The following FGF13 variants were observed in gnomAD, a reference collection of about 807,000 sequenced individuals.
FGF13 encodes fibroblast growth factor 13.
A neutral mutation model predicts 19.5 loss-of-function variants in FGF13; 2 were observed. The observed-to-expected ratio is 0.10, with a 90% confidence interval of 0.04 to 0.32. The LOEUF (loss-of-function observed/expected upper bound fraction) is 0.32. Among genes scored for constraint, FGF13 ranks in the 10% least tolerant of loss-of-function variants. The pLI is 1.00. For missense variants in FGF13, 113 were observed against 192.7 expected (o/e 0.59, Z 2.45); for synonymous variants, 72 against 76.9 (o/e 0.94, Z 0.33).
intron 1 of FGF13, among the ~76,000 whole-genome samples, chrX:138,889,757 T>A (rs747683167): frequency 9.0e-6 from 1 of 111,310 alleles, no homozygotes; most frequent in East Asian, 2.8e-4. Flanking sequence ...TAGAACTGTA[T>A]ATCAAGGCTA....
intron 2 of FGF13, among the ~76,000 whole-genome samples, chrX:138,704,707 G>A (rs942204027): frequency 2.7e-5 from 3 of 112,114 alleles, no homozygotes; most frequent in African/African-American, 6.5e-5. Context: ...CATATTGTAC[G>A]GTTCAAAAGA....
intron 3 of FGF13, among the ~76,000 whole-genome samples, chrX:138,677,892 C>T (rs1219975109): frequency 2.7e-5 from 3 of 111,473 alleles, no homozygotes; most frequent in Non-Finnish European, 5.7e-5. Flanking sequence ...ACGTTTATTG[C>T]GGCACTATTC....
chrX:138,891,893 G>A (rs191718963), intron 1 of FGF13, among the ~76,000 whole-genome samples: 5 of 110,540 alleles, frequency 4.5e-5, no homozygotes, highest in East Asian at 5.7e-4. Flanking sequence ...TTTGGGACTC[G>A]GACTGACTCT....
intron 1 of FGF13, among the ~76,000 whole-genome samples, chrX:139,142,057 C>T (rs1159876194): frequency 9.0e-6 from 1 of 111,605 alleles, no homozygotes; most frequent in Non-Finnish European, 1.9e-5. Context: ...ACACATTCTG[C>T]CTGAAGAATA....
chrX:138,996,166 C>G (rs868090466), intron 1 of FGF13, among the ~76,000 whole-genome samples: 1 of 112,326 alleles, frequency 8.9e-6, no homozygotes, highest in African/African-American at 3.2e-5. Flanking sequence ...TGGCTCATCT[C>G]ACTGGGACTG....
chrX:138,934,228 T>C (rs762720341), intron 1 of FGF13, among the ~76,000 whole-genome samples: 2 of 111,396 alleles, frequency 1.8e-5, no homozygotes, highest in African/African-American at 3.3e-5. Context: ...GGAACAATTA[T>C]ACCATGAGGC....
intron 3 of FGF13, among the ~76,000 whole-genome samples, chrX:138,663,874 C>T (rs2089513667): frequency 8.9e-6 from 1 of 111,733 alleles, no homozygotes; most frequent in African/African-American, 3.2e-5. Flanking sequence ...AGGCTTTACA[C>T]TTCACTCAAC....
At chrX:138,698,254 T>G (rs1280141842) in intron 3 of FGF13, among the ~76,000 whole-genome samples, 1 of 110,519 alleles carries the variant, frequency 9.0e-6, no homozygotes, top group Non-Finnish European at 1.9e-5. Flanking sequence ...GAGGTGTCGT[T>G]TCTTTATTTA....
intron 3 of FGF13, among the ~76,000 whole-genome samples, chrX:138,819,159 C>G (rs968870444): frequency 9.0e-6 from 1 of 111,368 alleles, no homozygotes; most frequent in African/African-American, 3.3e-5. Context: ...AGGTAGAAAA[C>G]CCAGATCTGC....
In FGF13 at chrX:138,622,194, C is replaced by T. The variant is rs1028839710; in HGVS notation, c.*10656G>A. 9.0e-6 allele frequency: 1 copy of T among 110,882 alleles called. No individual in the cohort carries two copies. Among genetic ancestry groups the T allele is most frequent in the Admixed American group, 9.6e-5 (1 of 10,393 alleles). The allele number at this position is 110,882 out of a possible 1,213,427, so 9.1% of individuals were successfully genotyped here. A position where few individuals can be genotyped will look rare whatever the true frequency, so the allele number is the denominator to read the frequency against. On this transcript the variant is annotated 3_prime_UTR_variant, in exon 5 of 5. Coordinates refer to ENST00000315930, the MANE Select transcript of FGF13 (RefSeq NM_004114.5). The stretch of plus-strand genomic sequence containing the variant: ...CCCAAATCCCTGTTGAACATAGATG[C>T]AAAAATCCACAACAAAATACTAGCT...
chrX:139,044,667 G>A (rs968709256), intron 1 of FGF13, among the ~76,000 whole-genome samples: 2 of 110,689 alleles, frequency 1.8e-5, no homozygotes, highest in Non-Finnish European at 3.8e-5. Context: ...AAAAAAAAGG[G>A]GGCTATGTGT....
intron 1 of FGF13, among the ~76,000 whole-genome samples, chrX:138,974,853 T>C (rs994091502): frequency 8.9e-6 from 1 of 112,564 alleles, no homozygotes; most frequent in African/African-American, 3.2e-5. Flanking sequence ...AGATGAATCA[T>C]ATGCGGTACC....
rs1002012888 is a variant in FGF13, at chrX:138,620,996, G to C, written c.*11854C>G. ...TAAATATATAAAGCAGGTATTAATA[G>C]ATATGAACAGGAAATATAGACTGTA... On this transcript the variant is annotated 3_prime_UTR_variant, in exon 5 of 5. Transcript: ENST00000315930. 1 of 111,680 alleles carries C rather than the reference G, an allele frequency of 9.0e-6. No homozygotes were observed. Among genetic ancestry groups the C allele is most frequent in the Non-Finnish European group, 1.9e-5 (1 of 53,119 alleles). The allele number at this position is 111,680 out of a possible 1,213,427, so 9.2% of individuals were successfully genotyped here. A position where few individuals can be genotyped will look rare whatever the true frequency, so the allele number is the denominator to read the frequency against.
At chrX:139,161,342 C>A (rs935586291) in intron 1 of FGF13, among the ~76,000 whole-genome samples, 1 of 111,843 alleles carries the variant, frequency 8.9e-6, no homozygotes, top group African/African-American at 3.3e-5. Context: ...TGGAACATAT[C>A]TCAAAATAAT....
At chrX:139,088,306 G>A (rs1343669704) in intron 1 of FGF13, among the ~76,000 whole-genome samples, 1 of 111,685 alleles carries the variant, frequency 9.0e-6, no homozygotes, top group East Asian at 2.8e-4. Context: ...AGATTAAGGA[G>A]TTCAGTTTGT....
intron 1 of FGF13, among the ~76,000 whole-genome samples, chrX:139,024,190 T>C (rs1466782479): frequency 4.5e-5 from 5 of 111,542 alleles, no homozygotes; most frequent in Non-Finnish European, 9.4e-5. Context: ...AACATATTTT[T>C]GACCAAAAGT....
intron 1 of FGF13, among the ~76,000 whole-genome samples, chrX:139,119,030 C>T (rs990641909): frequency 4.5e-5 from 5 of 110,235 alleles, no homozygotes; most frequent in African/African-American, 1.7e-4. Flanking sequence ...AACCCCATCT[C>T]TACAAAAAAT....
At chrX:139,061,161 A>G (rs2092334872) in intron 1 of FGF13, among the ~76,000 whole-genome samples, 1 of 111,859 alleles carries the variant, frequency 8.9e-6, no homozygotes, top group Non-Finnish European at 1.9e-5. Flanking sequence ...ATTTATGTCT[A>G]CAATCATCCA....
At chrX:138,973,103 T>A (rs1051305301) in intron 1 of FGF13, among the ~76,000 whole-genome samples, 1 of 112,168 alleles carries the variant, frequency 8.9e-6, no homozygotes, top group East Asian at 2.8e-4. Flanking sequence ...AATGTTAGGC[T>A]GTTTACTTCA....
Sources: gnomAD v4.1 joint callset for allele counts (sites outside exome capture counted in the v4.1 genomes callset) on GRCh38, gnomAD v4.1.1 for gene constraint, MANE v1.5 for transcripts, NCBI Gene and HGNC (gene_info 2026-07-23, HGNC 2026-07-21) for gene names.